NT5DC1: variants seen among roughly 807,000 people sequenced by gnomAD.
NT5DC1 encodes the protein 5'-nucleotidase domain containing 1.
Under a neutral mutation model 59.4 loss-of-function variants are expected in NT5DC1, and 42 were observed. That is an observed-to-expected ratio of 0.71 (90% CI 0.55 to 0.92). NT5DC1 has a LOEUF of 0.92. Among genes scored for constraint, NT5DC1 ranks in the 40% least tolerant of loss-of-function variants. The pLI is 0.00. For synonymous variants in NT5DC1, 172 were observed against 188.1 expected, an observed-to-expected ratio of 0.91 and a Z score of 0.70; for missense variants, 501 against 537.1, an observed-to-expected ratio of 0.93 and a Z score of 0.66.
intron 8 of NT5DC1, among the ~76,000 whole-genome samples, chr6:116,229,812 G>A (rs1433065500): frequency 6.6e-6 from 1 of 151,846 alleles, no homozygotes; most frequent in African/African-American, 2.4e-5. Flanking sequence ...TCTCTGTCTC[G>A]TCCCTTGGCC....
At chr6:116,150,225 T>C (rs991778995) in intron 6 of NT5DC1, among the ~76,000 whole-genome samples, 3 of 152,172 alleles carry the variant, frequency 2.0e-5, no homozygotes, top group African/African-American at 7.2e-5. Context: ...GAGAGCATGC[T>C]GAGGGAGCCC....
chr6:116,196,343 T>C (rs1212558654), intron 6 of NT5DC1, among the ~76,000 whole-genome samples: 1 of 152,038 alleles, frequency 6.6e-6, no homozygotes, highest in Non-Finnish European at 1.5e-5. Flanking sequence ...TTGCTCTAAC[T>C]ACAGCAACAA....
At chr6:116,103,486 A>G (rs1166398171) in intron 1 of NT5DC1, among the ~76,000 whole-genome samples, 9 of 152,166 alleles carry the variant, frequency 5.9e-5, no homozygotes, top group Admixed American at 3.9e-4. Context: ...CACAGAGGAA[A>G]GGCCGGGAGC....
chr6:116,221,240 GTC>G lies in NT5DC1; in HGVS notation c.704+13_704+14del, dbSNP rs761191685. The G allele has an allele frequency of 2.0e-6, 3 of 1,512,272 alleles. No homozygotes were observed. The South Asian group carries it at 3.5e-5, about 17-fold the overall frequency. The allele number at this position is 1,512,272 out of a possible 1,614,324, so 93.7% of individuals were successfully genotyped here. A position where few individuals can be genotyped will look rare whatever the true frequency, so the allele number is the denominator to read the frequency against. On this transcript the variant is annotated intron_variant, in intron 7 of 11. Transcript: ENST00000319550. ...GAATATATTCTTGGGTGAGTGATGA[GTC>G]ATTCAGTTTTCATTGTCTTATGAAA...
chr6:116,131,903 C>T (rs1779476308), intron 6 of NT5DC1, among the ~76,000 whole-genome samples: 1 of 152,146 alleles, frequency 6.6e-6, no homozygotes, highest in African/African-American at 2.4e-5. Flanking sequence ...TTAGCTCCTA[C>T]TTATAAGTGA....
intron 6 of NT5DC1, among the ~76,000 whole-genome samples, chr6:116,142,466 C>T (rs968937079): frequency 6.6e-6 from 1 of 152,080 alleles, no homozygotes; most frequent in Non-Finnish European, 1.5e-5. Context: ...TCATGTTTCA[C>T]TCCTAAAACA....
chr6:116,110,453 C>T (rs62414121), intron 3 of NT5DC1, among the ~76,000 whole-genome samples: 1,691 of 152,274 alleles, frequency 0.011, 13 homozygotes, highest in Non-Finnish European at 0.015. Flanking sequence ...TGGACTCATG[C>T]TTTGACTCTG....
chr6:116,168,271 T>G (rs1780522563), intron 6 of NT5DC1, among the ~76,000 whole-genome samples: 1 of 152,032 alleles, frequency 6.6e-6, no homozygotes, highest in South Asian at 2.1e-4. Context: ...TCATTTATGA[T>G]CTTTCACCTT....
At chr6:116,156,442 CTTA>C (rs1489322796) in intron 6 of NT5DC1, among the ~76,000 whole-genome samples, 6 of 152,102 alleles carry the variant, frequency 3.9e-5, no homozygotes, top group African/African-American at 1.4e-4. Flanking sequence ...TTTCACTTAG[CTTA>C]TTATAGTCTG....
chr6:116,224,550 A>T (rs551423419), intron 8 of NT5DC1, among the ~76,000 whole-genome samples: 137 of 152,330 alleles, frequency 9.0e-4, no homozygotes, highest in African/African-American at 3.1e-3. Flanking sequence ...AGGTAGGGTG[A>T]CTTGCAAGGC....
intron 6 of NT5DC1, among the ~76,000 whole-genome samples, chr6:116,210,439 C>T (rs1174590441): frequency 6.6e-6 from 1 of 151,776 alleles, no homozygotes; most frequent in East Asian, 1.9e-4. Flanking sequence ...TGTAACTGGG[C>T]AGTATTGCAC....
At chr6:116,161,743 G>A (rs1305017587) in intron 6 of NT5DC1, among the ~76,000 whole-genome samples, 3 of 152,092 alleles carry the variant, frequency 2.0e-5, no homozygotes, top group African/African-American at 7.2e-5. Context: ...TTTTATAATT[G>A]TTTTTTCTAA....
chr6:116,208,502 C>A (rs1781505157), intron 6 of NT5DC1, among the ~76,000 whole-genome samples: 1 of 152,044 alleles, frequency 6.6e-6, no homozygotes, highest in Non-Finnish European at 1.5e-5. Context: ...GAAAACATTC[C>A]TATTTCTTGC....
Position 116,233,178 on chromosome 6 carries a change from CCTAA to C in NT5DC1, c.803-3785_803-3782del, listed in dbSNP as rs557835872. 5.2e-4 allele frequency among the ~76,000 whole-genome samples: 79 copies of C among 152,214 alleles called. 1 individual carries two copies. The highest frequency in any genetic ancestry group is 1.9e-3 in the African/African-American group (78 of 41,548). On this transcript the variant is annotated intron_variant, in intron 8 of 11. Transcript: ENST00000319550. ...AAATGTTTTCAATTAATACATTTTA[CCTAA>C]CTGTTAAGATTGCTTTAATTAAAGC...
chr6:116,160,903 G>A (rs1780311124), intron 6 of NT5DC1, among the ~76,000 whole-genome samples: 1 of 151,990 alleles, frequency 6.6e-6, no homozygotes, highest in South Asian at 2.1e-4. Flanking sequence ...TATGTTTATT[G>A]CGGTATTATT....
At chr6:116,243,877 G>T (rs1562179639) in intron 11 of NT5DC1, 32 bp from the exon 12 acceptor site, 22 of 806,846 alleles carry the variant, frequency 2.7e-5, no homozygotes, top group Non-Finnish European at 4.6e-5. Context: ...TCAGAGACCT[G>T]TGCAATAATT....
rs1169031964 is a variant in NT5DC1, at chr6:116,246,564, GA to G, written c.*2544del. On this transcript the variant is annotated 3_prime_UTR_variant, in exon 12 of 12. Coordinates refer to ENST00000319550, the MANE Select transcript of NT5DC1 (RefSeq NM_152729.3). ...TTATATAACAAATCAGCATAAAATG[GA>G]AAATCAAACTGCCTCTCTAGATATA... The G allele has an allele frequency of 2.6e-5, 4 of 151,596 alleles. No individual in the cohort carries two copies. The highest frequency in any genetic ancestry group is 9.7e-5 in the African/African-American group (4 of 41,204). 9.4% of individuals were successfully genotyped at this position (151,596 alleles called of 1,614,324 possible). A position where few individuals can be genotyped will look rare whatever the true frequency, so the allele number is the denominator to read the frequency against.
chr6:116,119,977 A>G (rs1017842477), intron 6 of NT5DC1: 10 of 1,114,860 alleles, frequency 9.0e-6, no homozygotes, highest in Admixed American at 5.3e-5. Context: ...TAAAAATTAC[A>G]TTCTTTTCAG....
At chr6:116,241,041 G>A (rs1771704021) in intron 11 of NT5DC1, among the ~76,000 whole-genome samples, 1 of 151,920 alleles carries the variant, frequency 6.6e-6, no homozygotes, top group South Asian at 2.1e-4. Flanking sequence ...CTACTCTGGA[G>A]GTTGAGGCAG....
Sources: gnomAD v4.1 joint callset for allele counts (sites outside exome capture counted in the v4.1 genomes callset) on GRCh38, gnomAD v4.1.1 for gene constraint, MANE v1.5 for transcripts, NCBI Gene and HGNC (gene_info 2026-07-23, HGNC 2026-07-21) for gene names.